USP12: variants seen among roughly 807,000 people sequenced by gnomAD.
USP12 encodes ubiquitin specific peptidase 12, also known as ubiquitin carboxyl-terminal hydrolase 12.
A neutral mutation model predicts 45.5 loss-of-function variants in USP12; 19 were observed. The ratio of observed to expected loss-of-function variants is 0.42; its 90% CI spans 0.29 to 0.61. USP12 has a LOEUF of 0.61. Ranked by LOEUF, USP12 falls within the 20% of genes least tolerant of loss-of-function variation. The pLI is 0.22. For synonymous variants in USP12, 149 were observed against 148.8 expected (o/e 1.00, Z -0.01); for missense variants, 242 against 447.7 (o/e 0.54, Z 4.15).
intron 4 of USP12, among the ~76,000 whole-genome samples, chr13:27,094,149 TC>T (rs1253847237): frequency 6.9e-6 from 1 of 144,410 alleles, no homozygotes; most frequent in Non-Finnish European, 1.5e-5. Flanking sequence ...TATTTGTGTC[TC>T]CCCACAGACT....
chr13:27,107,334 C>T (rs1875190000), intron 2 of USP12, among the ~76,000 whole-genome samples: 1 of 151,544 alleles, frequency 6.6e-6, no homozygotes, highest in African/African-American at 2.4e-5. Context: ...CAAAAACAAA[C>T]AAACAAAAAA....
At chr13:27,109,235 G>A (rs1220674852) in intron 2 of USP12, among the ~76,000 whole-genome samples, 1 of 152,130 alleles carries the variant, frequency 6.6e-6, no homozygotes, top group Non-Finnish European at 1.5e-5. Flanking sequence ...AAAAGTTGAT[G>A]GGGATGTTTA....
intron 2 of USP12, among the ~76,000 whole-genome samples, chr13:27,110,126 G>C (rs78083978): frequency 1.6e-4 from 1 of 6,114 alleles, no homozygotes; most frequent in Non-Finnish European, 8.6e-4. Flanking sequence ...CCTTTTCCAG[G>C]TAAAAAAAAA....
chr13:27,087,251 ATGTGTGTGTGTGTGTGTGTG>A (rs55816785), intron 6 of USP12, among the ~76,000 whole-genome samples: 1 of 143,946 alleles, frequency 6.9e-6, no homozygotes, highest in East Asian at 2.0e-4. Context: ...GTGGGGAGGG[ATGTGTGTGTGTGTGTGTGTG>A]TGTGTGTGTG....
intron 1 of USP12, among the ~76,000 whole-genome samples, chr13:27,158,077 A>G (rs1392536666): frequency 6.6e-6 from 1 of 152,210 alleles, no homozygotes; most frequent in Admixed American, 6.5e-5. Context: ...AAGCCCCAAT[A>G]TCTCAGAATA....
intron 2 of USP12, among the ~76,000 whole-genome samples, chr13:27,115,522 C>A (rs1012661800): frequency 2.0e-5 from 3 of 152,084 alleles, no homozygotes; most frequent in African/African-American, 7.3e-5. Context: ...TACTGTGTTA[C>A]CTATTTTATC....
chr13:27,157,116 C>A (rs772370474), intron 1 of USP12, among the ~76,000 whole-genome samples: 2 of 152,176 alleles, frequency 1.3e-5, no homozygotes, highest in African/African-American at 2.4e-5. Flanking sequence ...AATGTAAATA[C>A]TGACATTGGT....
In USP12 at chr13:27,155,675, AAAAT is replaced by A. The variant is rs573531561; in HGVS notation, c.48+15913_48+15916del. Among the ~76,000 whole-genome samples the A allele has an allele frequency of 3.2e-3, 482 of 152,336 alleles. 2 individuals are homozygous for A. The highest frequency in any genetic ancestry group is 0.011 in the African/African-American group (464 of 41,578). ...TGAGGCGGAACATATTAAAAAATGGAAAATAAAAGAAAAACTACTTTGTCAAGTT... is the reference window on the plus strand; with the variant it reads ...TGAGGCGGAACATATTAAAAAATGGAAAAAGAAAAACTACTTTGTCAAGTT... On this transcript the variant is annotated intron_variant, in intron 1 of 8. Transcript: ENST00000282344.
intron 1 of USP12, among the ~76,000 whole-genome samples, chr13:27,116,932 C>T (rs947280352): frequency 6.6e-6 from 1 of 152,058 alleles, no homozygotes; most frequent in African/African-American, 2.4e-5. Context: ...CTCTGATGTT[C>T]GCATGCACAA....
rs182874543 is a variant in USP12, at chr13:27,170,352, G to C, written c.48+1240C>G. 3.5e-5 allele frequency: 14 copies of C among 398,444 alleles called. No homozygotes were observed. The East Asian group carries it at 4.3e-4, about 12-fold the overall frequency. 24.7% of individuals were successfully genotyped at this position (398,444 alleles called of 1,614,324 possible). A position where few individuals can be genotyped will look rare whatever the true frequency, so the allele number is the denominator to read the frequency against. Reference sequence around the variant, plus strand: ...CTCCTTAAAGAAAAATATATACAATGTACCACCCTTAGATGGAAAATTTCT... The same window carrying C: ...CTCCTTAAAGAAAAATATATACAATCTACCACCCTTAGATGGAAAATTTCT... On this transcript the variant is annotated intron_variant, in intron 1 of 8. Coordinates refer to ENST00000282344, the MANE Select transcript of USP12 (RefSeq NM_182488.4).
chr13:27,146,089 C>A (rs74727160), intron 1 of USP12, among the ~76,000 whole-genome samples: 1 of 152,084 alleles, frequency 6.6e-6, no homozygotes, highest in African/African-American at 2.4e-5. Flanking sequence ...TATAATCAAT[C>A]AAACAGTAAA....
At chr13:27,127,046 C>A (rs1876270831) in intron 1 of USP12, among the ~76,000 whole-genome samples, 2 of 152,314 alleles carry the variant, frequency 1.3e-5, no homozygotes, top group African/African-American at 4.8e-5. Context: ...GGGGGTTCTG[C>A]ACTGATCTGC....
At chr13:27,125,366 A>G (rs1011938872) in intron 1 of USP12, among the ~76,000 whole-genome samples, 1 of 152,346 alleles carries the variant, frequency 6.6e-6, no homozygotes, top group South Asian at 2.1e-4. Flanking sequence ...TGTAGAGATA[A>G]GAGAATAAGT....
chr13:27,167,154 C>T (rs576459849), intron 1 of USP12, among the ~76,000 whole-genome samples: 36 of 152,028 alleles, frequency 2.4e-4, no homozygotes, highest in Non-Finnish European at 4.3e-4. Flanking sequence ...CCCAGCTACT[C>T]GGGAGGCTGA....
Position 27,116,501 on chromosome 13 carries a change from T to C in USP12, c.129+15A>G. 6.2e-7 allele frequency: 1 copy of C among 1,611,804 alleles called. No individual in the cohort carries two copies. Among genetic ancestry groups the C allele is most frequent in the Non-Finnish European group, 8.5e-7 (1 of 1,178,836 alleles). The stretch of plus-strand genomic sequence containing the variant: ...TTCCGAACATGATTCTAAAAGCGTA[T>C]CAATGGATACTTACATTGACTAATC... On this transcript the variant is annotated intron_variant, in intron 2 of 8. Coordinates refer to ENST00000282344, the MANE Select transcript of USP12 (RefSeq NM_182488.4).
At chr13:27,169,733 T>C (rs143994862) in intron 1 of USP12, among the ~76,000 whole-genome samples, 7 of 152,296 alleles carry the variant, frequency 4.6e-5, no homozygotes, top group African/African-American at 1.7e-4. Flanking sequence ...CCTAATCTGA[T>C]TACAGCATAC....
chr13:27,093,193 A>G (rs924760810), intron 4 of USP12, among the ~76,000 whole-genome samples: 1 of 152,124 alleles, frequency 6.6e-6, no homozygotes, highest in African/African-American at 2.4e-5. Flanking sequence ...CTCAAAAAAA[A>G]AAAACTTCCA....
chr13:27,076,029 C>CAAAAAAAAAAAAAAAAAAAAAAA (rs11458818), intron 6 of USP12, among the ~76,000 whole-genome samples: 4 of 98,006 alleles, frequency 4.1e-5, no homozygotes, highest in Non-Finnish European at 6.1e-5. Context: ...GGCTCCGTCT[C>CAAAAAAAAAAAAAAAAAAAAAAA]AAAAAAAAAA....
At chr13:27,131,728 T>C (rs1593200035) in intron 1 of USP12, among the ~76,000 whole-genome samples, 1 of 152,216 alleles carries the variant, frequency 6.6e-6, no homozygotes, top group African/African-American at 2.4e-5. Context: ...GTTCACAATC[T>C]AAAAATAATT....
Sources: allele counts gnomAD v4.1 joint callset (sites outside exome capture counted in the v4.1 genomes callset), GRCh38; gene constraint gnomAD v4.1.1; transcripts MANE v1.5; gene names NCBI Gene and HGNC (gene_info 2026-07-23, HGNC 2026-07-21).